Variants in GRID1 observed in about 807,000 individuals in gnomAD.
GRID1 encodes glutamate receptor ionotropic, delta-1.
A neutral mutation model predicts 98.0 loss-of-function variants in GRID1; 28 were observed. The ratio of observed to expected loss-of-function variants is 0.29; its 90% confidence interval spans 0.21 to 0.39. GRID1 has a LOEUF of 0.39. GRID1 is among the 10% of genes least tolerant of loss of function. The pLI is 1.00. For missense variants in GRID1, 1,111 were observed against 1,340.5 expected (o/e 0.83, Z 2.67); for synonymous variants, 553 against 538.5 (o/e 1.03, Z -0.37).
intron 2 of GRID1, among the ~76,000 whole-genome samples, chr10:86,348,045 C>G (rs745404861): frequency 6.6e-6 from 1 of 152,196 alleles, no homozygotes; most frequent in Non-Finnish European, 1.5e-5. Flanking sequence ...GGAAGATGAC[C>G]CCTGGACCAC....
At chr10:85,987,235 G>T (rs1842619305) in intron 4 of GRID1, among the ~76,000 whole-genome samples, 1 of 151,992 alleles carries the variant, frequency 6.6e-6, no homozygotes, top group African/African-American at 2.4e-5. Context: ...TGGACTGCCA[G>T]GATCGACCGG....
intron 2 of GRID1, among the ~76,000 whole-genome samples, chr10:86,341,754 A>C (rs1848314504): frequency 1.3e-5 from 2 of 152,198 alleles, no homozygotes. Flanking sequence ...CTGTCTGCCC[A>C]GAGAGGGGCC....
intron 5 of GRID1, among the ~76,000 whole-genome samples, chr10:85,890,324 G>T: frequency 6.6e-6 from 1 of 152,006 alleles, no homozygotes; most frequent in East Asian, 1.9e-4. Flanking sequence ...AATTACAAAT[G>T]TATGACATGA....
chr10:85,970,869 G>A (rs902528201), intron 4 of GRID1, among the ~76,000 whole-genome samples: 2 of 151,912 alleles, frequency 1.3e-5, no homozygotes, highest in Non-Finnish European at 2.9e-5. Flanking sequence ...ACATCTAGAA[G>A]GAAATAGGGA....
In GRID1 at chr10:86,135,074, C is replaced by A. The variant is rs950632646; in HGVS notation, c.726+3745G>T. Among the ~76,000 whole-genome samples the A allele has an allele frequency of 2.6e-5, 4 of 152,198 alleles. No homozygotes were observed. In the East Asian group the frequency reaches 7.7e-4, roughly 29 times the overall value. On this transcript the variant is annotated intron_variant, in intron 4 of 15. Coordinates refer to ENST00000327946, the MANE Select transcript of GRID1 (RefSeq NM_017551.3). Reference sequence around the variant, plus strand: ...GCTCCAGCAGCCACCAGCAGGATTCCCAGAGCAAGGCCCCTCTCAGCAGCT... The same window carrying A: ...GCTCCAGCAGCCACCAGCAGGATTCACAGAGCAAGGCCCCTCTCAGCAGCT...
At chr10:85,614,520 T>C (rs549663315) in intron 14 of GRID1, among the ~76,000 whole-genome samples, 1 of 152,236 alleles carries the variant, frequency 6.6e-6, no homozygotes, top group South Asian at 2.1e-4. Context: ...CACAGAGAGG[T>C]GAAATGTCTT....
intron 12 of GRID1, among the ~76,000 whole-genome samples, chr10:85,649,654 G>A (rs1437878883): frequency 6.6e-6 from 1 of 152,100 alleles, no homozygotes; most frequent in Non-Finnish European, 1.5e-5. Flanking sequence ...GTAACTGCCA[G>A]GGATCTCCAA....
Position 85,705,612 on chromosome 10 carries a change from G to A in GRID1, c.1997+17391C>T, listed in dbSNP as rs944961406. ...AATCTTCCCTAACTCGTTTTATGAG[G>A]CCAGCATCATCCTGATACCAAGCCT... On this transcript the variant is annotated intron_variant, in intron 12 of 15. Coordinates refer to ENST00000327946, the MANE Select transcript of GRID1 (RefSeq NM_017551.3). Among the ~76,000 whole-genome samples, 14 of 152,150 alleles carry A rather than the reference G, an allele frequency of 9.2e-5. 1 individual carries two copies. The highest frequency in any genetic ancestry group is 3.4e-4 in the African/African-American group (14 of 41,430).
At chr10:86,087,918 C>A (rs1011943570) in intron 4 of GRID1, among the ~76,000 whole-genome samples, 4 of 152,336 alleles carry the variant, frequency 2.6e-5, no homozygotes, top group South Asian at 2.1e-4. Context: ...CTCCCCACCC[C>A]CTCTGTCCTC....
chr10:86,237,603 G>C (rs1363900035), intron 2 of GRID1, among the ~76,000 whole-genome samples: 1 of 152,084 alleles, frequency 6.6e-6, no homozygotes, highest in Non-Finnish European at 1.5e-5. Flanking sequence ...AGGAGGCTGA[G>C]GCAGGAGAAT....
intron 2 of GRID1, among the ~76,000 whole-genome samples, chr10:86,314,754 G>A (rs1400555920): frequency 6.6e-6 from 1 of 152,172 alleles, no homozygotes; most frequent in East Asian, 1.9e-4. Context: ...TCAGATGTGT[G>A]CCAGCTGTCC....
chr10:86,262,292 G>C (rs932466630), intron 2 of GRID1, among the ~76,000 whole-genome samples: 1 of 152,232 alleles, frequency 6.6e-6, no homozygotes, highest in African/African-American at 2.4e-5. Context: ...GTTTGGCCCA[G>C]AGCAAAGCCA....
intron 13 of GRID1, among the ~76,000 whole-genome samples, chr10:85,634,290 C>T (rs1039255279): frequency 0.023 from 2,828 of 123,230 alleles, 32 homozygotes; most frequent in East Asian, 0.048. Flanking sequence ...CTCTCTCTCT[C>T]TCACACACAC....
At chr10:86,320,126 C>A (rs1396100930) in intron 2 of GRID1, among the ~76,000 whole-genome samples, 1 of 152,222 alleles carries the variant, frequency 6.6e-6, no homozygotes, top group Non-Finnish European at 1.5e-5. Context: ...TACGGTAAAG[C>A]AAGTTTATGA....
intron 5 of GRID1, among the ~76,000 whole-genome samples, chr10:85,904,630 T>C (rs1205838812): frequency 6.6e-6 from 1 of 152,078 alleles, no homozygotes; most frequent in Non-Finnish European, 1.5e-5. Flanking sequence ...CTACTTTTTT[T>C]ACATTCAAAA....
chr10:86,085,829 A>G (rs1005649896), intron 4 of GRID1, among the ~76,000 whole-genome samples: 1 of 151,952 alleles, frequency 6.6e-6, no homozygotes, highest in Non-Finnish European at 1.5e-5. Context: ...GGGAATTAGG[A>G]AGAGTTCTGA....
intron 3 of GRID1, among the ~76,000 whole-genome samples, chr10:86,173,041 TG>T (rs1232022329): frequency 6.6e-6 from 1 of 152,150 alleles, no homozygotes; most frequent in Admixed American, 6.5e-5. Context: ...TTCCTGTTTT[TG>T]TTTTATTTTG....
intron 8 of GRID1, among the ~76,000 whole-genome samples, chr10:85,788,674 G>A (rs183741289): frequency 6.6e-6 from 1 of 152,370 alleles, no homozygotes; most frequent in African/African-American, 2.4e-5. Flanking sequence ...CGTTAGGAAA[G>A]TCTTGCACTG....
intron 8 of GRID1, among the ~76,000 whole-genome samples, chr10:85,788,153 T>C (rs956614289): frequency 6.6e-6 from 1 of 152,086 alleles, no homozygotes; most frequent in Non-Finnish European, 1.5e-5. Context: ...TAAGAGCTGA[T>C]GAATGAGGGG....
Sources: gnomAD v4.1 joint callset for allele counts (sites outside exome capture counted in the v4.1 genomes callset) on GRCh38, gnomAD v4.1.1 for gene constraint, MANE v1.5 for transcripts, NCBI Gene and HGNC (gene_info 2026-07-23, HGNC 2026-07-21) for gene names.